GPC5: variants seen among roughly 807,000 people sequenced by gnomAD.
GPC5 encodes the protein glypican-5.
Under a neutral mutation model 53.9 loss-of-function variants are expected in GPC5, and 47 were observed. That is an observed-to-expected ratio of 0.87 (90% confidence interval 0.69 to 1.11). The LOEUF is 1.11. GPC5 is among the 50% of genes most tolerant of loss of function. The pLI is 0.00. For missense variants in GPC5, 748 were observed against 713.1 expected, an observed-to-expected ratio of 1.05 and a Z score of -0.56; for synonymous variants, 286 against 263.3, an observed-to-expected ratio of 1.09 and a Z score of -0.84.
intron 2 of GPC5, among the ~76,000 whole-genome samples, chr13:91,632,363 A>G (rs963067791): frequency 6.6e-6 from 1 of 152,112 alleles, no homozygotes; most frequent in Non-Finnish European, 1.5e-5. Context: ...TGAGCAAGAA[A>G]GACAAGGCTT....
intron 7 of GPC5, among the ~76,000 whole-genome samples, chr13:92,154,955 C>A (rs552178542): frequency 8.5e-5 from 13 of 152,246 alleles, no homozygotes; most frequent in African/African-American, 2.9e-4. Flanking sequence ...CTAAAATTAG[C>A]TAAACATTTT....
chr13:91,872,749 T>C (rs2039161653), intron 5 of GPC5, among the ~76,000 whole-genome samples: 1 of 152,142 alleles, frequency 6.6e-6, no homozygotes, highest in Admixed American at 6.6e-5. Context: ...CTTGATACAT[T>C]TGCATATTTT....
At chr13:92,608,366 G>A (rs1293563238) in intron 7 of GPC5, among the ~76,000 whole-genome samples, 1 of 152,152 alleles carries the variant, frequency 6.6e-6, no homozygotes. Flanking sequence ...ACTGAGCTTG[G>A]AATATGCTAC....
chr13:92,754,561 C>T lies in GPC5; in HGVS notation c.1562-111721C>T, dbSNP rs1360162121. ...AATTGGATAAAGAGTCAAGACCCAA[C>T]AGTGTGCTGTATTCAGGAAACCCAT... On this transcript the variant is annotated intron_variant, in intron 7 of 7. Coordinates refer to ENST00000377067, the MANE Select transcript of GPC5 (RefSeq NM_004466.6). Among the ~76,000 whole-genome samples, 4 of 151,694 alleles carry T rather than the reference C, an allele frequency of 2.6e-5. No homozygotes were observed. The East Asian group carries it at 7.8e-4, about 30-fold the overall frequency.
chr13:92,481,295 G>T (rs184051197), intron 7 of GPC5, among the ~76,000 whole-genome samples: 1 of 151,862 alleles, frequency 6.6e-6, no homozygotes, highest in Non-Finnish European at 1.5e-5. Context: ...AGGAACAGGG[G>T]TTTCACCTTG....
chr13:91,599,721 A>G (rs1391967263), intron 2 of GPC5, among the ~76,000 whole-genome samples: 1 of 152,158 alleles, frequency 6.6e-6, no homozygotes, highest in Non-Finnish European at 1.5e-5. Flanking sequence ...TCAGGGTGGG[A>G]TTGGCAGAAT....
At chr13:91,802,638 G>A (rs1225401703) in intron 5 of GPC5, among the ~76,000 whole-genome samples, 1 of 152,148 alleles carries the variant, frequency 6.6e-6, no homozygotes, top group African/African-American at 2.4e-5. Context: ...TAGGCACAGA[G>A]TGCTGATTGG....
intron 7 of GPC5, among the ~76,000 whole-genome samples, chr13:92,565,680 G>T (rs1882841069): frequency 6.6e-6 from 1 of 151,922 alleles, no homozygotes; most frequent in African/African-American, 2.4e-5. Flanking sequence ...ATAAAAATAT[G>T]TATCTACATT....
intron 7 of GPC5, among the ~76,000 whole-genome samples, chr13:92,742,417 C>A (rs1343553220): frequency 6.6e-6 from 1 of 152,274 alleles, no homozygotes; most frequent in African/African-American, 2.4e-5. Context: ...CCTTTGCCCA[C>A]TTTTTCATGG....
At chr13:92,210,657 T>C (rs1168631528) in intron 7 of GPC5, among the ~76,000 whole-genome samples, 1 of 152,184 alleles carries the variant, frequency 6.6e-6, no homozygotes, top group African/African-American at 2.4e-5. Flanking sequence ...TTAAGATCTG[T>C]TGGAGTATAG....
intron 2 of GPC5, among the ~76,000 whole-genome samples, chr13:91,518,350 G>T (rs2139358003): frequency 6.6e-6 from 1 of 152,028 alleles, no homozygotes; most frequent in African/African-American, 2.4e-5. Context: ...AACAGAGTAA[G>T]ACCCCCATCT....
intron 7 of GPC5, among the ~76,000 whole-genome samples, chr13:92,298,500 C>G (rs888678104): frequency 6.6e-6 from 1 of 152,180 alleles, no homozygotes; most frequent in African/African-American, 2.4e-5. Flanking sequence ...GGGATTTTCC[C>G]GCTGCTTCCT....
At chr13:91,518,413 A>G (rs1885625601) in intron 2 of GPC5, among the ~76,000 whole-genome samples, 1 of 152,190 alleles carries the variant, frequency 6.6e-6, no homozygotes, top group African/African-American at 2.4e-5. Context: ...ATCTAAAATT[A>G]CATGACAATT....
At chr13:91,681,613 C>G (rs997771964) in intron 2 of GPC5, among the ~76,000 whole-genome samples, 3 of 152,102 alleles carry the variant, frequency 2.0e-5, no homozygotes, top group Non-Finnish European at 2.9e-5. Flanking sequence ...TGGACTTTTT[C>G]TTTGGCAGGG....
intron 7 of GPC5, among the ~76,000 whole-genome samples, chr13:92,381,974 C>G (rs28676421): frequency 0.51 from 69,839 of 136,334 alleles, 18,291 homozygotes; most frequent in East Asian, 0.55. Context: ...ATCTATCTAT[C>G]TATCTATCTA....
At chr13:91,837,460 G>T (rs1344232179) in intron 5 of GPC5, among the ~76,000 whole-genome samples, 1 of 152,054 alleles carries the variant, frequency 6.6e-6, no homozygotes. Flanking sequence ...TGGGACTGCT[G>T]CAGGAACTTA....
intron 2 of GPC5, among the ~76,000 whole-genome samples, chr13:91,676,529 G>A (rs1307148349): frequency 3.3e-5 from 5 of 152,172 alleles, no homozygotes; most frequent in Non-Finnish European, 5.9e-5. Flanking sequence ...GCAACTTAGA[G>A]TAGTTTAGCT....
intron 7 of GPC5, among the ~76,000 whole-genome samples, chr13:92,424,943 A>G (rs1006713126): frequency 3.3e-5 from 5 of 152,118 alleles, no homozygotes; most frequent in Non-Finnish European, 5.9e-5. Flanking sequence ...AAGGGCAAGT[A>G]GATGTTGAGT....
chr13:92,087,737 A>G (rs1004447688), intron 6 of GPC5, among the ~76,000 whole-genome samples: 30 of 152,142 alleles, frequency 2.0e-4, no homozygotes, highest in African/African-American at 6.3e-4. Context: ...ATTGTGTCTC[A>G]TATCTCTGCC....
Sources: allele counts gnomAD v4.1 joint callset (sites outside exome capture counted in the v4.1 genomes callset), GRCh38; gene constraint gnomAD v4.1.1; transcripts MANE v1.5; gene names NCBI Gene and HGNC (gene_info 2026-07-23, HGNC 2026-07-21).